Variants in STXBP3 observed in about 807,000 individuals in gnomAD.
STXBP3 encodes the protein syntaxin binding protein 3.
In STXBP3, 41 loss-of-function variants were observed where a neutral mutation model predicts 85.7. The ratio of observed to expected loss-of-function variants is 0.48; its 90% CI spans 0.37 to 0.62. STXBP3 has a LOEUF of 0.62. Among genes scored for constraint, STXBP3 ranks in the 20% least tolerant of loss-of-function variants. The pLI, the probability that STXBP3 is intolerant of heterozygous loss-of-function variation, is 0.00. For missense variants in STXBP3, 563 were observed against 703.1 expected (o/e 0.80, Z 2.25); for synonymous variants, 229 against 231.7 (o/e 0.99, Z 0.10).
intron 12 of STXBP3, among the ~76,000 whole-genome samples, chr1:108,794,110 G>T (rs761552940): frequency 1.1e-4 from 16 of 152,162 alleles, no homozygotes; most frequent in Non-Finnish European, 2.1e-4. Context: ...TGATTTTTGT[G>T]TGTGTTAAAA....
intron 16 of STXBP3, among the ~76,000 whole-genome samples, chr1:108,798,692 G>T (rs955550307): frequency 6.6e-6 from 1 of 152,018 alleles, no homozygotes; most frequent in Non-Finnish European, 1.5e-5. Context: ...GGGATTACAG[G>T]TGTGAGCCAC....
intron 1 of STXBP3, among the ~76,000 whole-genome samples, chr1:108,747,642 G>A (rs561304316): frequency 6.6e-6 from 1 of 152,330 alleles, no homozygotes; most frequent in Admixed American, 6.5e-5. Flanking sequence ...AAAGGGAGTA[G>A]CATCTAATTA....
intron 15 of STXBP3, among the ~76,000 whole-genome samples, chr1:108,797,534 T>A (rs1663132371): frequency 6.7e-6 from 1 of 150,032 alleles, no homozygotes; most frequent in South Asian, 2.1e-4. Flanking sequence ...TGCCTCAGCC[T>A]CCCATCTGGG....
chr1:108,765,449 C>T (rs1194798128), intron 6 of STXBP3, among the ~76,000 whole-genome samples: 1 of 152,142 alleles, frequency 6.6e-6, no homozygotes, highest in African/African-American at 2.4e-5. Flanking sequence ...TTCCCTCAAC[C>T]CCATTGTGTG....
intron 17 of STXBP3, among the ~76,000 whole-genome samples, chr1:108,802,818 T>A (rs1475163222): frequency 6.6e-6 from 1 of 152,182 alleles, no homozygotes; most frequent in Non-Finnish European, 1.5e-5. Context: ...TATCTTATGT[T>A]TTTAAACTTA....
chr1:108,792,869 G>A (rs1570770110), intron 11 of STXBP3, among the ~76,000 whole-genome samples: 1 of 152,162 alleles, frequency 6.6e-6, no homozygotes, highest in East Asian at 1.9e-4. Context: ...CTAAGGCATA[G>A]TCCCAGGACT....
chr1:108,770,136 TA>T (rs1410545970), intron 6 of STXBP3, among the ~76,000 whole-genome samples: 1 of 151,536 alleles, frequency 6.6e-6, no homozygotes, highest in African/African-American at 2.4e-5. Flanking sequence ...CAAAGAAACT[TA>T]AAAAAGGAAT....
chr1:108,794,958 A>C, intron 13 of STXBP3, 51 bp downstream of exon 13: 1 of 1,494,930 alleles, frequency 6.7e-7, no homozygotes, highest in Non-Finnish European at 9.1e-7. Flanking sequence ...TCAAGGATAA[A>C]CTTTGTAAGT....
intron 4 of STXBP3, chr1:108,757,008 A>G (rs1662035929): frequency 3.6e-6 from 1 of 278,914 alleles, no homozygotes; most frequent in Admixed American, 5.1e-5. Context: ...TGTATAAAAT[A>G]ACATTTCTTT....
Position 108,798,205 on chromosome 1 carries a change from C to T in STXBP3, c.1417C>T (p.Arg473Trp), listed in dbSNP as rs866723285. 3.1e-6 allele frequency: 5 copies of T among 1,612,114 alleles called. No homozygotes were observed. Among genetic ancestry groups the T allele is most frequent in the South Asian group, 1.1e-5 (1 of 90,952 alleles). Residue 473 changes from arginine to tryptophan, a missense_variant, in exon 16 of 19, where the codon CGG becomes TGG. Physicochemically the swap from Arg to Trp is moderately radical, Grantham distance 101 (BLOSUM62 -3). Around this residue, in one of 3 missense-constraint regions of STXBP3, gnomAD observed 494 missense variants for 592.8 expected, o/e 0.83. Coordinates refer to ENST00000370008, the MANE Select transcript of STXBP3 (RefSeq NM_007269.4). The stretch of plus-strand genomic sequence containing the variant: ...TGCAGAAGAAACTTTTCAGCTCTCT[C>T]GGTGGACACCTTTTATCAAAGATAT... The part of the protein sequence containing the change: ...RSAEETFQLS[R>W]WTPFIKDIME...
chr1:108,795,491 T>TAA (rs59615177), intron 13 of STXBP3, among the ~76,000 whole-genome samples: 1 of 139,248 alleles, frequency 7.2e-6, no homozygotes, highest in African/African-American at 2.6e-5. Context: ...CCTGTCTCTT[T>TAA]AAAAAAAAAA....
At chr1:108,762,662 T>G (rs762303336) in intron 6 of STXBP3, among the ~76,000 whole-genome samples, 1 of 152,142 alleles carries the variant, frequency 6.6e-6, no homozygotes. Context: ...TTATTCCATT[T>G]TTTCTTCCTA....
At chr1:108,775,991 A>G (rs1254801771) in intron 7 of STXBP3, among the ~76,000 whole-genome samples, 1 of 152,034 alleles carries the variant, frequency 6.6e-6, no homozygotes, top group Non-Finnish European at 1.5e-5. Flanking sequence ...GAGAATACAC[A>G]TGAAATTAAT....
At chr1:108,769,880 C>A (rs1626986) in intron 6 of STXBP3, among the ~76,000 whole-genome samples, 107,072 of 151,954 alleles carry the variant, frequency 0.7, 38,709 homozygotes, top group Non-Finnish European at 0.77. Flanking sequence ...CATCCTCTAC[C>A]TTCTAGTACT....
chr1:108,804,903 C>A (rs1218712541), intron 17 of STXBP3, among the ~76,000 whole-genome samples: 2 of 152,194 alleles, frequency 1.3e-5, no homozygotes, highest in South Asian at 2.1e-4. Flanking sequence ...ACAAGGCAGA[C>A]CAAGCCTCAA....
chr1:108,800,120 C>A, intron 16 of STXBP3, 100 bp from the exon 17 acceptor site: 1 of 769,150 alleles, frequency 1.3e-6, no homozygotes, highest in Non-Finnish European at 2.3e-6. Context: ...ATATTTATGT[C>A]TAAGGTTCCT....
At chr1:108,774,850 A>C (rs1012655494) in intron 7 of STXBP3, among the ~76,000 whole-genome samples, 4 of 151,866 alleles carry the variant, frequency 2.6e-5, no homozygotes, top group Admixed American at 2.6e-4. Flanking sequence ...TGAAGCTTCT[A>C]CTGTTGGTGA....
chr1:108,758,879 G>A (rs1662072409), intron 5 of STXBP3, among the ~76,000 whole-genome samples: 1 of 152,206 alleles, frequency 6.6e-6, no homozygotes, highest in Admixed American at 6.6e-5. Context: ...TGTGAGGGAT[G>A]GGTGGAGAGG....
chr1:108,798,406 C>CTTTTTTTTT (rs781000610), intron 16 of STXBP3, among the ~76,000 whole-genome samples, 169 bp downstream of exon 16: 17 of 101,572 alleles, frequency 1.7e-4, no homozygotes, highest in African/African-American at 2.2e-4. Context: ...GATTCTTCTT[C>CTTTTTTTTT]TTTTTTTTTT....
Sources: gnomAD v4.1 joint callset for allele counts (sites outside exome capture counted in the v4.1 genomes callset) on GRCh38, gnomAD v4.1.1 for gene constraint, gnomAD v4.1.1 regional missense constraint, MANE v1.5 for transcripts, NCBI Gene and HGNC (gene_info 2026-07-23, HGNC 2026-07-21) for gene names.